Variants in ERBB4 observed in about 807,000 individuals in gnomAD.
ERBB4 encodes the protein erb-b2 receptor tyrosine kinase 4, also known as receptor tyrosine-protein kinase erbB-4.
Under a neutral mutation model 158.0 loss-of-function variants are expected in ERBB4, and 42 were observed. The observed-to-expected ratio is 0.27, with a 90% CI of 0.21 to 0.34. ERBB4 has a LOEUF of 0.34. Among genes scored for constraint, ERBB4 ranks in the 10% least tolerant of loss-of-function variants. ERBB4 has a pLI of 1.00. For synonymous variants in ERBB4, 583 were observed against 558.7 expected (o/e 1.04, Z -0.61); for missense variants, 1,333 against 1,624.1 (o/e 0.82, Z 3.08).
rs2105960090 is a variant in ERBB4, at chr2:211,679,158, G to A, written c.1516C>T (p.Leu506=). 1 of 1,613,850 alleles carries A rather than the reference G, an allele frequency of 6.2e-7. No individual in the cohort carries two copies. Among genetic ancestry groups the A allele is most frequent in the South Asian group, 1.1e-5 (1 of 91,072 alleles). The change falls in exon 13 of 28, where the codon CTG becomes TTG. Residue 506 remains leucine (L), a synonymous_variant. Coordinates refer to ENST00000342788, the MANE Select transcript of ERBB4 (RefSeq NM_005235.3). ...CTAEGMVCNH[L]CSSDGCWGPG... is the part of the protein sequence containing the mutation. ...CCCCAACAGCCATCACTGGAACACAGATGGTTGCACACCATTCCTTCAGCA... is the reference window on the plus strand; with the variant it reads ...CCCCAACAGCCATCACTGGAACACAAATGGTTGCACACCATTCCTTCAGCA...
chr2:211,430,111 T>TAATA (rs1042976736), intron 21 of ERBB4, among the ~76,000 whole-genome samples: 1 of 152,172 alleles, frequency 6.6e-6, no homozygotes, highest in African/African-American at 2.4e-5. Context: ...AAAATATTTA[T>TAATA]AATATATATT....
intron 2 of ERBB4, among the ~76,000 whole-genome samples, chr2:212,061,453 C>CAAAAA (rs754237880): frequency 7.0e-4 from 16 of 22,830 alleles, no homozygotes; most frequent in East Asian, 2.8e-3. Context: ...ACTCTGTCTC[C>CAAAAA]AAAAAAAAAA....
chr2:212,319,931 C>G (rs2087481034), intron 1 of ERBB4, among the ~76,000 whole-genome samples: 1 of 150,270 alleles, frequency 6.7e-6, no homozygotes, highest in African/African-American at 2.4e-5. Context: ...ATACTCTCAT[C>G]TTTTCAAGAT....
intron 2 of ERBB4, among the ~76,000 whole-genome samples, chr2:211,995,240 T>C (rs1232986843): frequency 6.6e-6 from 1 of 152,238 alleles, no homozygotes; most frequent in Non-Finnish European, 1.5e-5. Flanking sequence ...TCTCAGTTCA[T>C]TTTTCTGTGC....
At chr2:212,065,919 G>A (rs1250880070) in intron 2 of ERBB4, among the ~76,000 whole-genome samples, 2 of 151,986 alleles carry the variant, frequency 1.3e-5, no homozygotes, top group African/African-American at 4.8e-5. Context: ...TTGTAGTTCT[G>A]AACCGGAATT....
intron 25 of ERBB4, among the ~76,000 whole-genome samples, chr2:211,417,321 A>T (rs942783304): frequency 1.1e-5 from 1 of 87,778 alleles, no homozygotes; most frequent in African/African-American, 5.0e-5. Context: ...AAAAAATATA[A>T]AAAAAAATTA....
At chr2:211,834,480 A>G (rs2077294308) in intron 3 of ERBB4, among the ~76,000 whole-genome samples, 1 of 139,294 alleles carries the variant, frequency 7.2e-6, no homozygotes, top group Admixed American at 7.7e-5. Context: ...CAAGTGGGTC[A>G]CTTAAAAAAA....
intron 1 of ERBB4, among the ~76,000 whole-genome samples, chr2:212,272,778 A>G (rs577298302): frequency 1.4e-4 from 22 of 151,924 alleles, no homozygotes; most frequent in Non-Finnish European, 2.1e-4. Flanking sequence ...GTTTTTTAAA[A>G]TTACAGATTA....
At chr2:212,439,972 AT>A (rs1205163112) in intron 1 of ERBB4, among the ~76,000 whole-genome samples, 3 of 152,204 alleles carry the variant, frequency 2.0e-5, no homozygotes, top group Non-Finnish European at 4.4e-5. Context: ...AACTATCGGA[AT>A]TTGGTGCCCT....
chr2:211,962,231 A>G (rs2081198365), intron 2 of ERBB4, among the ~76,000 whole-genome samples: 1 of 152,202 alleles, frequency 6.6e-6, no homozygotes, highest in Non-Finnish European at 1.5e-5. Flanking sequence ...AAAAGACATA[A>G]AAATGTCCCT....
chr2:212,200,371 A>G (rs1027573297), intron 1 of ERBB4, among the ~76,000 whole-genome samples: 5 of 152,322 alleles, frequency 3.3e-5, no homozygotes, highest in African/African-American at 1.2e-4. Flanking sequence ...ACATCTTTAG[A>G]CAAAATATTT....
intron 2 of ERBB4, among the ~76,000 whole-genome samples, chr2:211,994,989 G>A (rs1457880904): frequency 2.0e-5 from 3 of 152,178 alleles, no homozygotes; most frequent in Admixed American, 6.6e-5. Flanking sequence ...TGATGTGGGT[G>A]TTATTAAACT....
chr2:212,065,846 T>C (rs2077928490), intron 2 of ERBB4, among the ~76,000 whole-genome samples: 1 of 152,084 alleles, frequency 6.6e-6, no homozygotes, highest in Non-Finnish European at 1.5e-5. Context: ...CAGAATTTAA[T>C]GCTTAGTTGA....
At chr2:211,583,448 A>G (rs1373729570) in intron 19 of ERBB4, among the ~76,000 whole-genome samples, 2 of 151,924 alleles carry the variant, frequency 1.3e-5, no homozygotes, top group Non-Finnish European at 2.9e-5. Context: ...AATAGTTATT[A>G]AAATATCATG....
chr2:212,529,111 T>C (rs1299496141), intron 1 of ERBB4, among the ~76,000 whole-genome samples: 2 of 152,140 alleles, frequency 1.3e-5, no homozygotes, highest in African/African-American at 4.8e-5. Context: ...CTATTCTTCT[T>C]TAAAGAAAGA....
In ERBB4 at chr2:211,560,262, CTTTTTTTTTTT is replaced by C. The variant is rs769707072; in HGVS notation, c.2487+1630_2487+1640del. ...CAGCACTAACAAATTTGAAGCTTAG[CTTTTTTTTTTT>C]TTTTTTTTTTTTTTTTTTGAGATGG... On this transcript the variant is annotated intron_variant, in intron 20 of 27. Transcript: ENST00000342788. Among the ~76,000 whole-genome samples the C allele has an allele frequency of 7.0e-3, 326 of 46,310 alleles. 3 individuals are homozygous for C. Among genetic ancestry groups the C allele is most frequent in the African/African-American group, 0.03 (311 of 10,454 alleles). 30.4% of individuals were successfully genotyped at this position (46,310 alleles called of 152,430 possible).
chr2:212,290,257 C>T (rs1028976290), intron 1 of ERBB4, among the ~76,000 whole-genome samples: 7 of 152,164 alleles, frequency 4.6e-5, no homozygotes, highest in Non-Finnish European at 1.0e-4. Flanking sequence ...TCCTTCTTTT[C>T]CTGTCCACAA....
chr2:212,202,294 A>G (rs1206606352), intron 1 of ERBB4, among the ~76,000 whole-genome samples: 1 of 152,166 alleles, frequency 6.6e-6, no homozygotes, highest in African/African-American at 2.4e-5. Context: ...TTGAGGACCT[A>G]CTATGTATCA....
chr2:212,519,769 T>C (rs1279565433), intron 1 of ERBB4, among the ~76,000 whole-genome samples: 1 of 151,808 alleles, frequency 6.6e-6, no homozygotes, highest in Middle Eastern at 3.2e-3. Flanking sequence ...CTGGGAAGAA[T>C]AAGGCACAGG....
Sources: gnomAD v4.1 joint callset for allele counts (sites outside exome capture counted in the v4.1 genomes callset) on GRCh38, gnomAD v4.1.1 for gene constraint, MANE v1.5 for transcripts, NCBI Gene and HGNC (gene_info 2026-07-23, HGNC 2026-07-21) for gene names.